The following TFDP2 variants were observed in gnomAD, a reference collection of about 807,000 sequenced individuals.
TFDP2 encodes transcription factor Dp-2 (E2F dimerization partner 2).
Under a neutral mutation model 59.3 loss-of-function variants are expected in TFDP2, and 17 were observed. The ratio of observed to expected loss-of-function variants is 0.29; its 90% confidence interval spans 0.20 to 0.43. TFDP2 has a LOEUF of 0.43. TFDP2 is among the 20% of genes least tolerant of loss of function. The pLI is 1.00. For synonymous variants in TFDP2, 180 were observed against 194.7 expected, an observed-to-expected ratio of 0.92 and a Z score of 0.63; for missense variants, 391 against 528.8, an observed-to-expected ratio of 0.74 and a Z score of 2.56.
chr3:142,052,248 T>TC (rs1947666549), intron 3 of TFDP2, among the ~76,000 whole-genome samples: 1 of 152,068 alleles, frequency 6.6e-6, no homozygotes, highest in Non-Finnish European at 1.5e-5. Flanking sequence ...CGAGAAAACC[T>TC]TAGTATTGGC....
At position 142,098,071 on chromosome 3, in the gene TFDP2, G is replaced by T. The variant is rs1348746674; in HGVS notation, c.15+3664C>A. Reference sequence around the variant, plus strand: ...CTCCCAAAGTGCTCGGATTACAGGCGTGAGCCATCGCGCTGGGCCAATGTC... The same window carrying T: ...CTCCCAAAGTGCTCGGATTACAGGCTTGAGCCATCGCGCTGGGCCAATGTC... On this transcript the variant is annotated intron_variant, in intron 2 of 12. Coordinates refer to ENST00000489671, the MANE Select transcript of TFDP2 (RefSeq NM_001178139.2). Among the ~76,000 whole-genome samples, 3 of 152,088 alleles carry T rather than the reference G, an allele frequency of 2.0e-5. No homozygotes were observed. The East Asian group carries it at 5.8e-4, about 29-fold the overall frequency.
At chr3:142,137,640 G>A (rs1031834567) in intron 1 of TFDP2, among the ~76,000 whole-genome samples, 9 of 152,156 alleles carry the variant, frequency 5.9e-5, no homozygotes, top group African/African-American at 2.2e-4. Context: ...ACATAATCAT[G>A]TGGTTTTTGT....
At chr3:141,968,494 A>T (rs1217267293) in intron 9 of TFDP2, among the ~76,000 whole-genome samples, 1 of 105,900 alleles carries the variant, frequency 9.4e-6, no homozygotes, top group Non-Finnish European at 1.8e-5. Context: ...TATCTCATAT[A>T]TAGATATATA....
Position 141,952,613 on chromosome 3 carries a change from C to T in TFDP2, c.1241G>A (p.Ser414Asn). The T allele has an allele frequency of 1.9e-6, 3 of 1,589,296 alleles. No individual in the cohort carries two copies. The highest frequency in any genetic ancestry group is 1.7e-6 in the Non-Finnish European group (2 of 1,174,112). Reference sequence around the variant, plus strand: ...GGACTCGGAGCAGTGAGAGGCCGCACTGCTGGACTGGTGACTGTTTGGGGC... The same window carrying T: ...GGACTCGGAGCAGTGAGAGGCCGCATTGCTGGACTGGTGACTGTTTGGGGC... ...FLAPNSHQSS[S>N]AASHCSESRG... The change falls in exon 13 of 13, where the codon AGT (serine) becomes AAT (asparagine). Residue 414 changes from serine (S) to asparagine (N), a missense_variant. Physicochemically the swap from Ser to Asn is conservative, Grantham distance 46 (BLOSUM62 1). Transcript: ENST00000489671.
chr3:142,067,855 T>C (rs1197807482), intron 3 of TFDP2, among the ~76,000 whole-genome samples: 1 of 151,754 alleles, frequency 6.6e-6, no homozygotes, highest in Admixed American at 6.6e-5. Flanking sequence ...AATTTAAAAA[T>C]TAGCTGGCCA....
chr3:142,084,997 T>G (rs140225733), intron 3 of TFDP2, among the ~76,000 whole-genome samples: 1 of 152,104 alleles, frequency 6.6e-6, no homozygotes, highest in East Asian at 1.9e-4. Context: ...CTCAGCTCAA[T>G]GCAACCTCTA....
intron 3 of TFDP2, among the ~76,000 whole-genome samples, chr3:142,078,823 C>T (rs1461478807): frequency 1.3e-5 from 2 of 151,956 alleles, no homozygotes; most frequent in African/African-American, 2.4e-5. Context: ...AGTAACCAAT[C>T]CCAGAGGAAA....
chr3:141,986,814 T>C lies in TFDP2; in HGVS notation c.356+6724A>G, dbSNP rs529773417. On this transcript the variant is annotated intron_variant, in intron 6 of 12. Coordinates refer to ENST00000489671, the MANE Select transcript of TFDP2 (RefSeq NM_001178139.2). ...CATATCCTTGCCAAACTTAGCACTGTCTATCCTTTTCATTGTAGCCATTCT... is the reference window on the plus strand; with the variant it reads ...CATATCCTTGCCAAACTTAGCACTGCCTATCCTTTTCATTGTAGCCATTCT... Among the ~76,000 whole-genome samples, 137 of 152,342 alleles carry C rather than the reference T, an allele frequency of 9.0e-4. 1 individual carries two copies. The highest frequency in any genetic ancestry group is 3.2e-3 in the African/African-American group (134 of 41,576).
At chr3:142,113,626 A>G (rs577549361) in intron 1 of TFDP2, among the ~76,000 whole-genome samples, 22 of 152,280 alleles carry the variant, frequency 1.4e-4, no homozygotes, top group African/African-American at 4.6e-4. Context: ...AATGAACTAT[A>G]TGCAAGCATG....
chr3:142,005,340 G>C (rs947283387), intron 4 of TFDP2, 101 bp downstream of exon 4: 3 of 1,022,066 alleles, frequency 2.9e-6, no homozygotes, highest in African/African-American at 3.3e-5. Flanking sequence ...ACCGCGCCTG[G>C]TTTAACTGGA....
intron 3 of TFDP2, among the ~76,000 whole-genome samples, chr3:142,037,911 T>C (rs1171719322): frequency 6.6e-6 from 1 of 152,276 alleles, no homozygotes; most frequent in East Asian, 1.9e-4. Flanking sequence ...TTTGCAGTTA[T>C]ACATTATCAT....
chr3:142,099,130 T>C (rs2108639091), intron 2 of TFDP2, among the ~76,000 whole-genome samples: 1 of 152,344 alleles, frequency 6.6e-6, no homozygotes, highest in South Asian at 2.1e-4. Context: ...CTTCCCTATC[T>C]ACAATCTCTT....
At chr3:142,014,040 T>C (rs1348544187) in intron 3 of TFDP2, among the ~76,000 whole-genome samples, 1 of 152,138 alleles carries the variant, frequency 6.6e-6, no homozygotes, top group African/African-American at 2.4e-5. Context: ...TAATACATAT[T>C]TTTTGTGGGT....
intron 1 of TFDP2, among the ~76,000 whole-genome samples, chr3:142,128,938 GTAAC>G (rs2062384669): frequency 4.0e-5 from 6 of 151,312 alleles, no homozygotes; most frequent in African/African-American, 1.2e-4. Context: ...TGGCAACACA[GTAAC>G]TAATATGAAA....
At chr3:142,130,029 G>A (rs932785887) in intron 1 of TFDP2, among the ~76,000 whole-genome samples, 3 of 151,872 alleles carry the variant, frequency 2.0e-5, no homozygotes, top group Admixed American at 1.3e-4. Flanking sequence ...AAAATAATAC[G>A]GCAGTTTCTC....
Position 142,100,276 on chromosome 3 carries a change from C to T in TFDP2, c.15+1459G>A, listed in dbSNP as rs554222180. 3.3e-5 allele frequency among the ~76,000 whole-genome samples: 5 copies of T among 152,374 alleles called. No individual in the cohort carries two copies. The South Asian group carries it at 6.2e-4, about 19-fold the overall frequency. On this transcript the variant is annotated intron_variant, in intron 2 of 12. Coordinates refer to ENST00000489671, the MANE Select transcript of TFDP2 (RefSeq NM_001178139.2). ...ACTTGCTTCTCCTGGTCACAACTAA[C>T]TAAAGCACTAGTCAACATCAGACTT...
chr3:142,009,673 G>A (rs1944492342), intron 3 of TFDP2, among the ~76,000 whole-genome samples: 1 of 148,132 alleles, frequency 6.8e-6, no homozygotes, highest in Admixed American at 6.8e-5. Flanking sequence ...TAGCGCCACT[G>A]CACTCCAGCC....
intron 3 of TFDP2, among the ~76,000 whole-genome samples, chr3:142,008,091 G>A (rs542671813): frequency 1.6e-4 from 25 of 152,040 alleles, no homozygotes; most frequent in African/African-American, 5.6e-4. Flanking sequence ...CTGGCTGTCC[G>A]GTGGAATCAC....
intron 1 of TFDP2, among the ~76,000 whole-genome samples, chr3:142,144,639 T>C (rs1317355595): frequency 6.6e-6 from 1 of 152,094 alleles, no homozygotes; most frequent in Non-Finnish European, 1.5e-5. Context: ...CTTCCTGGGC[T>C]CAAGAGATCC....
Sources: gnomAD v4.1 joint callset for allele counts (sites outside exome capture counted in the v4.1 genomes callset) on GRCh38, gnomAD v4.1.1 for gene constraint, MANE v1.5 for transcripts, NCBI Gene and HGNC (gene_info 2026-07-23, HGNC 2026-07-21) for gene names.